Variants in BTBD9 observed in about 807,000 individuals in gnomAD.
BTBD9 encodes the protein BTB domain containing 9.
In BTBD9, 49 loss-of-function variants were observed where a neutral mutation model predicts 64.3. The observed-to-expected ratio is 0.76, with a 90% CI of 0.61 to 0.97. BTBD9 has a LOEUF of 0.97. BTBD9 is among the 50% of genes least tolerant of loss of function. BTBD9 has a pLI of 0.00. For synonymous variants in BTBD9, 260 were observed against 274.7 expected, an observed-to-expected ratio of 0.95 and a Z score of 0.53; for missense variants, 598 against 762.1, an observed-to-expected ratio of 0.78 and a Z score of 2.53.
At chr6:38,463,643 T>C (rs980483610) in intron 6 of BTBD9, among the ~76,000 whole-genome samples, 1 of 152,256 alleles carries the variant, frequency 6.6e-6, no homozygotes, top group Non-Finnish European at 1.5e-5. Flanking sequence ...GTTTGTGTTA[T>C]AAGCTCAACT....
rs116769414 is a variant in BTBD9 at position 38,337,572 on chromosome 6, T to G, written c.1264+7412A>C. ...AGGCAAGAGATACGTTCAGTTCCTT[T>G]GCAGCCCAAATCAATACTTAACCTT... On this transcript the variant is annotated intron_variant, in intron 7 of 10. Transcript: ENST00000481247. Among the ~76,000 whole-genome samples the G allele has an allele frequency of 2.0e-5, 3 of 152,378 alleles. No homozygotes were observed. In the South Asian group the frequency reaches 6.2e-4, roughly 32 times the overall value.
intron 7 of BTBD9, among the ~76,000 whole-genome samples, chr6:38,313,569 CTTGAACT>C (rs948773524): frequency 9.9e-5 from 15 of 152,012 alleles, no homozygotes; most frequent in African/African-American, 3.6e-4. Context: ...TACCCAGTTT[CTTGAACT>C]TTATCATAAA....
intron 8 of BTBD9, among the ~76,000 whole-genome samples, chr6:38,281,855 A>G (rs565858105): frequency 1.1e-4 from 16 of 152,320 alleles, no homozygotes; most frequent in Middle Eastern, 3.4e-3. Flanking sequence ...CACTTACTCT[A>G]TTGCACATAT....
chr6:38,531,389 A>C (rs889816288), intron 6 of BTBD9, among the ~76,000 whole-genome samples: 1 of 152,240 alleles, frequency 6.6e-6, no homozygotes, highest in African/African-American at 2.4e-5. Context: ...TTCCTAGAAA[A>C]TAAAAGCTGA....
At chr6:38,354,313 C>A (rs551184981) in intron 6 of BTBD9, among the ~76,000 whole-genome samples, 1 of 152,244 alleles carries the variant, frequency 6.6e-6, no homozygotes, top group African/African-American at 2.4e-5. Flanking sequence ...GTACAAACAG[C>A]ATCTGCAGGC....
intron 6 of BTBD9, among the ~76,000 whole-genome samples, chr6:38,471,583 A>G (rs1342565060): frequency 6.6e-6 from 1 of 152,060 alleles, no homozygotes. Context: ...ATGAGTTCTC[A>G]CTATGTTGCC....
chr6:38,349,383 G>A (rs1217305295), intron 6 of BTBD9, among the ~76,000 whole-genome samples: 3 of 152,132 alleles, frequency 2.0e-5, no homozygotes, highest in Non-Finnish European at 4.4e-5. Flanking sequence ...TGAGAATGCT[G>A]GTTGTCTTGG....
At chr6:38,490,861 A>G (rs1771674014) in intron 6 of BTBD9, among the ~76,000 whole-genome samples, 1 of 152,244 alleles carries the variant, frequency 6.6e-6, no homozygotes, top group Admixed American at 6.5e-5. Flanking sequence ...AAGGCAGCAG[A>G]GAACCAAAAC....
At chr6:38,637,720 C>A (rs1778574376) in intron 1 of BTBD9, among the ~76,000 whole-genome samples, 3 of 152,230 alleles carry the variant, frequency 2.0e-5, no homozygotes, top group Admixed American at 6.5e-5. Context: ...CCACTGACTA[C>A]CTAAAATACA....
intron 9 of BTBD9, among the ~76,000 whole-genome samples, chr6:38,254,585 C>T (rs1224163664): frequency 6.6e-6 from 1 of 152,140 alleles, no homozygotes; most frequent in Non-Finnish European, 1.5e-5. Context: ...TACAGTAAGC[C>T]TTGATTGCAC....
At chr6:38,219,312 T>TTG (rs1275863054) in intron 9 of BTBD9, among the ~76,000 whole-genome samples, 1 of 150,202 alleles carries the variant, frequency 6.7e-6, no homozygotes, top group Non-Finnish European at 1.5e-5. Context: ...TTTTTTTTTT[T>TTG]TTTTGTATTT....
At chr6:38,512,571 C>T (rs567901332) in intron 6 of BTBD9, among the ~76,000 whole-genome samples, 1 of 152,302 alleles carries the variant, frequency 6.6e-6, no homozygotes, top group South Asian at 2.1e-4. Flanking sequence ...AAAATCACTA[C>T]CAGCTTCCAC....
chr6:38,363,947 C>T (rs1353365012), intron 6 of BTBD9, among the ~76,000 whole-genome samples: 1 of 152,148 alleles, frequency 6.6e-6, no homozygotes, highest in East Asian at 1.9e-4. Context: ...TCCACTTCTC[C>T]TGTCTTAGGT....
At chr6:38,488,344 T>C (rs1771549828) in intron 6 of BTBD9, among the ~76,000 whole-genome samples, 1 of 151,848 alleles carries the variant, frequency 6.6e-6, no homozygotes, top group Non-Finnish European at 1.5e-5. Context: ...ATCAATGAGA[T>C]GATATTAGGG....
intron 9 of BTBD9, among the ~76,000 whole-genome samples, chr6:38,202,014 C>A (rs1762475738): frequency 6.6e-6 from 1 of 151,892 alleles, no homozygotes; most frequent in Non-Finnish European, 1.5e-5. Context: ...GACTGTACTG[C>A]CCAAAACAAT....
chr6:38,369,610 C>A (rs952329459), intron 6 of BTBD9, among the ~76,000 whole-genome samples: 46 of 152,198 alleles, frequency 3.0e-4, no homozygotes, highest in African/African-American at 9.9e-4. Flanking sequence ...AAAGTAATTT[C>A]AAGGAAAGAT....
chr6:38,335,400 G>A (rs986083927), intron 7 of BTBD9, among the ~76,000 whole-genome samples: 4 of 151,844 alleles, frequency 2.6e-5, no homozygotes, highest in African/African-American at 7.3e-5. Context: ...CTACAGGCGT[G>A]CACCACCAAA....
At chr6:38,415,668 C>T (rs1767635153) in intron 6 of BTBD9, among the ~76,000 whole-genome samples, 1 of 152,182 alleles carries the variant, frequency 6.6e-6, no homozygotes, top group Non-Finnish European at 1.5e-5. Flanking sequence ...AGCATTGCAG[C>T]AGTTATTACC....
At chr6:38,302,485 G>A (rs367977166) in intron 7 of BTBD9, among the ~76,000 whole-genome samples, 33 of 106,840 alleles carry the variant, frequency 3.1e-4, no homozygotes, top group South Asian at 7.0e-4. Context: ...TTGTGTGTAT[G>A]TATATATATA....
Sources: allele counts gnomAD v4.1 joint callset (sites outside exome capture counted in the v4.1 genomes callset), GRCh38; gene constraint gnomAD v4.1.1; transcripts MANE v1.5; gene names NCBI Gene and HGNC (gene_info 2026-07-23, HGNC 2026-07-21).